The following TTBK2 variants were observed in gnomAD, a reference collection of about 807,000 sequenced individuals.
The protein encoded by TTBK2 is tau tubulin kinase 2.
In TTBK2, 28 loss-of-function variants were observed where a neutral mutation model predicts 110.8. The observed-to-expected ratio is 0.25, with a 90% CI of 0.19 to 0.35. The LOEUF (loss-of-function observed/expected upper bound fraction) is 0.35. Among genes scored for constraint, TTBK2 ranks in the 10% least tolerant of loss-of-function variants. The pLI is 1.00. For synonymous variants in TTBK2, 532 were observed against 527.3 expected (o/e 1.01, Z -0.12); for missense variants, 1,369 against 1,500.3 (o/e 0.91, Z 1.45).
At chr15:42,842,048 G>A (rs1893242285) in intron 3 of TTBK2, among the ~76,000 whole-genome samples, 1 of 152,030 alleles carries the variant, frequency 6.6e-6, no homozygotes, top group Non-Finnish European at 1.5e-5. Context: ...ACATAATTTG[G>A]AAAATGAAAC....
At chr15:42,775,849 A>G (rs1229139062) in intron 12 of TTBK2, 126 bp from the exon 13 acceptor site, 6 of 717,916 alleles carry the variant, frequency 8.4e-6, no homozygotes, top group African/African-American at 3.6e-5. Context: ...AAGCACAAGG[A>G]AAGTTTCACA....
chr15:42,864,808 G>C (rs1894301451), intron 3 of TTBK2, among the ~76,000 whole-genome samples: 1 of 151,910 alleles, frequency 6.6e-6, no homozygotes, highest in Non-Finnish European at 1.5e-5. Flanking sequence ...AAAAGTGAAG[G>C]CAACATAATA....
At chr15:42,791,008 C>T (rs569397621) in intron 10 of TTBK2, among the ~76,000 whole-genome samples, 202 of 152,260 alleles carry the variant, frequency 1.3e-3, no homozygotes, top group African/African-American at 4.5e-3. Context: ...CTCAGCCTCC[C>T]GAGTAGCTAG....
chr15:42,873,151 G>C (rs1256265550), intron 2 of TTBK2, among the ~76,000 whole-genome samples: 2 of 152,112 alleles, frequency 1.3e-5, no homozygotes, highest in Non-Finnish European at 2.9e-5. Flanking sequence ...TGAAATCCTG[G>C]CTGAGTGCAG....
intron 4 of TTBK2, among the ~76,000 whole-genome samples, chr15:42,839,297 T>C (rs1197511429): frequency 1.3e-5 from 2 of 152,224 alleles, no homozygotes; most frequent in African/African-American, 4.8e-5. Context: ...TTTATAGCTG[T>C]GTAGTATTTC....
At chr15:42,867,864 C>T (rs1168610505) in intron 3 of TTBK2, among the ~76,000 whole-genome samples, 1 of 152,168 alleles carries the variant, frequency 6.6e-6, no homozygotes. Context: ...AACTTATATC[C>T]ACACAAAAAT....
chr15:42,775,238 T>A lies in TTBK2; in HGVS notation c.1895A>T (p.Gln632Leu), dbSNP rs779249410. Residue 632 changes from glutamine to leucine, a missense_variant, in exon 13 of 15, where the codon CAA becomes CTA. Physicochemically the swap from Gln to Leu is moderately radical, Grantham distance 113 (BLOSUM62 -2). Around this residue, in one of 4 missense-constraint regions of TTBK2, gnomAD observed 1,097 missense variants for 1,114.7 expected, o/e 0.98. Coordinates refer to ENST00000267890, the MANE Select transcript of TTBK2 (RefSeq NM_173500.4). ...AEGPPTAASE[Q>L]YTDRLELQPG... ...CTGGAGTTCCAGCCTATCTGTATATTGTTCTGAAGCAGCAGTAGGAGGACC... is the reference window on the plus strand; with the variant it reads ...CTGGAGTTCCAGCCTATCTGTATATAGTTCTGAAGCAGCAGTAGGAGGACC... The A allele has an allele frequency of 8.7e-6, 14 of 1,614,132 alleles. No individual in the cohort carries two copies. The highest frequency in any genetic ancestry group is 1.2e-5 in the Non-Finnish European group (14 of 1,180,044).
intron 1 of TTBK2, among the ~76,000 whole-genome samples, chr15:42,902,202 C>T (rs1269308883): frequency 2.9e-5 from 4 of 137,406 alleles, no homozygotes; most frequent in African/African-American, 8.4e-5. Flanking sequence ...GGCAACAGAG[C>T]GAGACTCCAT....
At chr15:42,816,269 AC>A (rs1892025086) in intron 7 of TTBK2, among the ~76,000 whole-genome samples, 1 of 149,252 alleles carries the variant, frequency 6.7e-6, no homozygotes, top group Admixed American at 6.8e-5. Context: ...GGTACATGCC[AC>A]CATGCTCAGC....
chr15:42,875,203 T>C (rs1452368131), intron 2 of TTBK2, among the ~76,000 whole-genome samples: 2 of 152,142 alleles, frequency 1.3e-5, no homozygotes, highest in African/African-American at 2.4e-5. Flanking sequence ...TCTATTTCTA[T>C]TCCTATAATG....
intron 4 of TTBK2, among the ~76,000 whole-genome samples, chr15:42,833,441 C>G (rs1684404170): frequency 6.6e-6 from 1 of 152,024 alleles, no homozygotes; most frequent in Admixed American, 6.6e-5. Flanking sequence ...ACTGGTCACC[C>G]AGAATTAATA....
chr15:42,801,711 GC>G (rs750632026), intron 9 of TTBK2: 5 of 875,060 alleles, frequency 5.7e-6, no homozygotes, highest in Non-Finnish European at 9.8e-6. Flanking sequence ...TGGGACTGCA[GC>G]TCCCGATCTC....
chr15:42,794,803 TA>T lies in TTBK2; in HGVS notation c.823-3del. 1 of 1,614,054 alleles carries T rather than the reference TA, an allele frequency of 6.2e-7. No homozygotes were observed. Among genetic ancestry groups the T allele is most frequent in the Non-Finnish European group, 8.5e-7 (1 of 1,179,998 alleles). On this transcript the variant is annotated splice_polypyrimidine_tract_variant and splice_region_variant and intron_variant, in intron 9 of 14. Transcript: ENST00000267890. The stretch of plus-strand genomic sequence containing the variant: ...ATTGTCAAACACGGATGTAAGAAGC[TA>T]AACCACAAAGAAAAAAACTAGAGTA...
rs949051261 is a variant in TTBK2 at position 42,742,842 on chromosome 15, G to A, written c.*2953C>T. On this transcript the variant is annotated 3_prime_UTR_variant, in exon 15 of 15. Coordinates refer to ENST00000267890, the MANE Select transcript of TTBK2 (RefSeq NM_173500.4). Reference sequence around the variant, plus strand: ...TACTTGATCTATGTCACTGAAACCTGAAATATGCCATCACTAAGAGAACCC... The same window carrying A: ...TACTTGATCTATGTCACTGAAACCTAAAATATGCCATCACTAAGAGAACCC... The A allele has an allele frequency of 3.9e-5, 6 of 152,110 alleles. No homozygotes were observed. Among genetic ancestry groups the A allele is most frequent in the African/African-American group, 7.2e-5 (3 of 41,438 alleles). The allele number at this position is 152,110 out of a possible 1,614,324, so 9.4% of individuals were successfully genotyped here. A position where few individuals can be genotyped will look rare whatever the true frequency, so the allele number is the denominator to read the frequency against.
At chr15:42,874,401 C>T (rs1319089531) in intron 2 of TTBK2, among the ~76,000 whole-genome samples, 1 of 151,908 alleles carries the variant, frequency 6.6e-6, no homozygotes. Context: ...ACTGCAACCT[C>T]CGCCTCCTGG....
At chr15:42,877,685 T>C (rs970966888) in intron 2 of TTBK2, among the ~76,000 whole-genome samples, 71 of 152,138 alleles carry the variant, frequency 4.7e-4, no homozygotes, top group Admixed American at 4.0e-3. Context: ...CTACAGTATT[T>C]TATAACAGTA....
intron 4 of TTBK2, among the ~76,000 whole-genome samples, chr15:42,839,910 A>C (rs1327787012): frequency 6.6e-6 from 1 of 152,210 alleles, no homozygotes; most frequent in Non-Finnish European, 1.5e-5. Flanking sequence ...CCCTTGCAAG[A>C]TATGGGTCCC....
intron 1 of TTBK2, among the ~76,000 whole-genome samples, chr15:42,919,555 T>C (rs1227650528): frequency 6.6e-6 from 1 of 152,212 alleles, no homozygotes; most frequent in African/African-American, 2.4e-5. Context: ...ATTCATAACA[T>C]GACCCTCCTA....
intron 2 of TTBK2, among the ~76,000 whole-genome samples, chr15:42,873,193 A>G (rs1420490779): frequency 1.3e-5 from 2 of 152,176 alleles, no homozygotes; most frequent in Non-Finnish European, 2.9e-5. Context: ...GCACTTTGGG[A>G]GGCCAAGGCG....
Sources: gnomAD v4.1 joint callset for allele counts (sites outside exome capture counted in the v4.1 genomes callset) on GRCh38, gnomAD v4.1.1 for gene constraint, gnomAD v4.1.1 regional missense constraint, MANE v1.5 for transcripts, NCBI Gene and HGNC (gene_info 2026-07-23, HGNC 2026-07-21) for gene names.